PTPRT: variants seen among roughly 807,000 people sequenced by gnomAD.
The protein encoded by PTPRT is protein tyrosine phosphatase receptor type T, also known as receptor-type tyrosine-protein phosphatase T.
A neutral mutation model predicts 176.8 loss-of-function variants in PTPRT; 56 were observed. The observed-to-expected ratio is 0.32, with a 90% confidence interval of 0.26 to 0.40. The LOEUF (loss-of-function observed/expected upper bound fraction) is 0.40, where lower values mean the gene tolerates loss of function less well. PTPRT is among the 10% of genes least tolerant of loss of function. PTPRT has a pLI of 1.00. For missense variants in PTPRT, 1,540 were observed against 1,908.2 expected (o/e 0.81, Z 3.60); for synonymous variants, 783 against 739.0 (o/e 1.06, Z -0.96).
At chr20:42,686,023 C>T (rs981759531) in intron 6 of PTPRT, 1 of 152,176 alleles carries the variant, frequency 6.6e-6, no homozygotes, top group Non-Finnish European at 1.5e-5. Context: ...AAGGAGACAT[C>T]CTGGCTACCT....
At position 42,753,732 on chromosome 20, in the gene PTPRT, C is replaced by T. The variant is rs144925059; in HGVS notation, c.859+2730G>A. Among the ~76,000 whole-genome samples, 422 of 152,358 alleles carry T rather than the reference C, an allele frequency of 2.8e-3. 17 individuals are homozygous for T. The East Asian group carries it at 0.072, about 26-fold the overall frequency. ...GATGCACAACCAGCAGAGGACAAAT[C>T]AGTGTCCCCGTAAACCCTGGCCACC... On this transcript the variant is annotated intron_variant, in intron 6 of 30. Coordinates refer to ENST00000373187, the MANE Select transcript of PTPRT (RefSeq NM_007050.6).
chr20:42,616,778 A>C (rs2074088239), intron 7 of PTPRT, among the ~76,000 whole-genome samples: 1 of 134,606 alleles, frequency 7.4e-6, no homozygotes, highest in African/African-American at 3.3e-5. Flanking sequence ...TGATTTTTGT[A>C]CATTGATTTT....
intron 5 of PTPRT, among the ~76,000 whole-genome samples, chr20:42,767,865 T>C (rs1448633606): frequency 1.4e-5 from 2 of 146,954 alleles, no homozygotes; most frequent in African/African-American, 4.9e-5. Flanking sequence ...ATTTGTTATA[T>C]GTATAACATA....
chr20:42,123,859 C>T (rs369597421), intron 19 of PTPRT, among the ~76,000 whole-genome samples: 95 of 152,296 alleles, frequency 6.2e-4, no homozygotes, highest in African/African-American at 2.1e-3. Flanking sequence ...GCTTACTTTT[C>T]GTTAGATAAC....
intron 1 of PTPRT, among the ~76,000 whole-genome samples, chr20:43,121,858 A>T (rs1047674076): frequency 2.6e-5 from 4 of 152,260 alleles, no homozygotes; most frequent in African/African-American, 9.6e-5. Flanking sequence ...AAAAATACTA[A>T]TGAAAGCTGT....
chr20:42,741,512 T>C (rs2146294486), intron 6 of PTPRT, among the ~76,000 whole-genome samples: 1 of 152,154 alleles, frequency 6.6e-6, no homozygotes, highest in Non-Finnish European at 1.5e-5. Context: ...ACCCGGCTAA[T>C]TTCTTGTATT....
intron 1 of PTPRT, among the ~76,000 whole-genome samples, chr20:43,061,523 G>A (rs751898255): frequency 2.0e-5 from 3 of 152,194 alleles, no homozygotes; most frequent in Non-Finnish European, 2.9e-5. Context: ...TTTTAAGTAT[G>A]TGTCCTCAAC....
chr20:42,323,050 C>T (rs1448951673), intron 11 of PTPRT, among the ~76,000 whole-genome samples: 3 of 151,848 alleles, frequency 2.0e-5, no homozygotes, highest in Non-Finnish European at 4.4e-5. Flanking sequence ...CAAATCAAAA[C>T]CACAATGAGA....
intron 29 of PTPRT, 48 bp downstream of exon 29, chr20:42,084,634 C>T (rs1178585301): frequency 7.4e-7 from 1 of 1,358,176 alleles, no homozygotes; most frequent in Non-Finnish European, 9.6e-7. Context: ...CAAGGATGCT[C>T]TATCACCCAC....
chr20:42,387,357 T>C (rs1043631855), intron 9 of PTPRT, among the ~76,000 whole-genome samples: 1 of 152,248 alleles, frequency 6.6e-6, no homozygotes, highest in African/African-American at 2.4e-5. Context: ...CCTGCTTTTT[T>C]TCTTGACAAT....
chr20:42,744,969 G>A (rs564341922), intron 6 of PTPRT, among the ~76,000 whole-genome samples: 3 of 152,342 alleles, frequency 2.0e-5, no homozygotes. Flanking sequence ...ATGGAAGGGA[G>A]GCACATGTGC....
At chr20:42,180,920 AT>A (rs1356213317) in intron 16 of PTPRT, among the ~76,000 whole-genome samples, 2 of 152,208 alleles carry the variant, frequency 1.3e-5, no homozygotes, top group Non-Finnish European at 1.5e-5. Flanking sequence ...TCTACTACTA[AT>A]AGCTATGTGA....
intron 15 of PTPRT, among the ~76,000 whole-genome samples, chr20:42,226,318 C>T (rs2056009044): frequency 6.6e-6 from 1 of 152,152 alleles, no homozygotes; most frequent in African/African-American, 2.4e-5. Context: ...AGATGAGAAA[C>T]TGAAGTTGAG....
intron 9 of PTPRT, among the ~76,000 whole-genome samples, chr20:42,390,626 A>G (rs557561412): frequency 2.4e-4 from 37 of 152,308 alleles, no homozygotes; most frequent in African/African-American, 8.9e-4. Flanking sequence ...GTCATAACAT[A>G]CTGAGGCCTC....
rs187474359 is a variant in PTPRT, at chr20:43,173,013, C to T, written c.88+16633G>A. 3.2e-4 allele frequency among the ~76,000 whole-genome samples: 49 copies of T among 152,106 alleles called. No homozygotes were observed. The East Asian group carries it at 8.9e-3, about 28-fold the overall frequency. On this transcript the variant is annotated intron_variant, in intron 1 of 30. Coordinates refer to ENST00000373187, the MANE Select transcript of PTPRT (RefSeq NM_007050.6). ...TCAACCTCCTGAGTAGCTGGGATTA[C>T]AGGCATGCGCCACCAGACACGGCTA...
At chr20:42,660,517 T>C (rs1275568245) in intron 7 of PTPRT, among the ~76,000 whole-genome samples, 1 of 152,200 alleles carries the variant, frequency 6.6e-6, no homozygotes, top group African/African-American at 2.4e-5. Context: ...CATGAAACCA[T>C]TAAAAAAGCC....
intron 1 of PTPRT, among the ~76,000 whole-genome samples, chr20:43,049,539 C>T (rs753124866): frequency 6.6e-6 from 1 of 152,198 alleles, no homozygotes; most frequent in South Asian, 2.1e-4. Context: ...ATCTCAGACA[C>T]AGGTAGACCC....
rs111298031 is a variant in PTPRT, at chr20:42,222,212, G to A, written c.2342+14017C>T. On this transcript the variant is annotated intron_variant, in intron 15 of 30. Coordinates refer to ENST00000373187, the MANE Select transcript of PTPRT (RefSeq NM_007050.6). ...AGTAATTAGCACATCTTTGTTCCACGGGTTTCTTCCTTCATATGACCTGTG... is the reference window on the plus strand; with the variant it reads ...AGTAATTAGCACATCTTTGTTCCACAGGTTTCTTCCTTCATATGACCTGTG... 1.6e-4 allele frequency among the ~76,000 whole-genome samples: 25 copies of A among 152,278 alleles called. 2 individuals carry two copies. Among genetic ancestry groups the A allele is most frequent in the African/African-American group, 4.8e-4 (20 of 41,548 alleles).
At chr20:42,506,867 A>G (rs569858405) in intron 7 of PTPRT, among the ~76,000 whole-genome samples, 14 of 152,274 alleles carry the variant, frequency 9.2e-5, no homozygotes, top group African/African-American at 3.1e-4. Flanking sequence ...ACCTCTGACC[A>G]GAGGCTATGC....
Sources: gnomAD v4.1 joint callset for allele counts (sites outside exome capture counted in the v4.1 genomes callset) on GRCh38, gnomAD v4.1.1 for gene constraint, MANE v1.5 for transcripts, NCBI Gene and HGNC (gene_info 2026-07-23, HGNC 2026-07-21) for gene names.